Variants in ZNF202 observed in about 807,000 individuals in gnomAD.
ZNF202 encodes the protein zinc finger protein with KRAB and SCAN domains 10.
In ZNF202, 22 loss-of-function variants were observed where a neutral mutation model predicts 54.5. The observed-to-expected ratio is 0.40, with a 90% CI of 0.29 to 0.58. The LOEUF (loss-of-function observed/expected upper bound fraction) is 0.58. Among genes scored for constraint, ZNF202 ranks in the 20% least tolerant of loss-of-function variants. ZNF202 has a pLI of 0.39. For synonymous variants in ZNF202, 294 were observed against 301.4 expected, an observed-to-expected ratio of 0.98 and a Z score of 0.26; for missense variants, 644 against 805.5, an observed-to-expected ratio of 0.80 and a Z score of 2.43.
Position 123,725,902 on chromosome 11 carries a change from C to A in ZNF202, c.*95G>T. 7.0e-7 allele frequency: 1 copy of A among 1,438,210 alleles called. No homozygotes were observed. Among genetic ancestry groups the A allele is most frequent in the Non-Finnish European group, 9.3e-7 (1 of 1,080,254 alleles). The allele number at this position is 1,438,210 out of a possible 1,614,324, so 89.1% of individuals were successfully genotyped here. On this transcript the variant is annotated 3_prime_UTR_variant, in exon 9 of 9. Transcript: ENST00000530393. Reference sequence around the variant, plus strand: ...TCTGAGCAGGTCAGGGAGACTCCCTCGAAAAGGTCTTCCCAGGCTGACAAG... The same window carrying A: ...TCTGAGCAGGTCAGGGAGACTCCCTAGAAAAGGTCTTCCCAGGCTGACAAG...
chr11:123,737,625 C>A (rs145004361), intron 3 of ZNF202, among the ~76,000 whole-genome samples: 224 of 152,220 alleles, frequency 1.5e-3, no homozygotes, highest in African/African-American at 5.2e-3. Flanking sequence ...ATAAACATGT[C>A]ATTGAGAGTA....
At chr11:123,735,975 G>A (rs1861620745) in intron 3 of ZNF202, among the ~76,000 whole-genome samples, 1 of 152,164 alleles carries the variant, frequency 6.6e-6, no homozygotes, top group Non-Finnish European at 1.5e-5. Context: ...ACCAGGCCAG[G>A]ATTAAGTAAG....
intron 6 of ZNF202, among the ~76,000 whole-genome samples, chr11:123,728,480 C>G (rs1002058197): frequency 2.0e-5 from 3 of 151,842 alleles, no homozygotes; most frequent in Non-Finnish European, 2.9e-5. Context: ...AGCTTATGTT[C>G]TTCTTCTTTA....
chr11:123,737,753 C>T lies in ZNF202; in HGVS notation c.-98+2364G>A, dbSNP rs79768466. Among the ~76,000 whole-genome samples the T allele has an allele frequency of 2.3e-4, 35 of 152,236 alleles. No homozygotes were observed. The East Asian group carries it at 4.2e-3, about 18-fold the overall frequency. ...ATGTTAGACAGTAGATAGTTGCCTT[C>T]GGCGGAGGGTGACCTGTGTTCTGTC... On this transcript the variant is annotated intron_variant, in intron 3 of 8. Transcript: ENST00000530393.
chr11:123,739,039 T>G (rs1159384646), intron 3 of ZNF202: 2 of 152,248 alleles, frequency 1.3e-5, no homozygotes, highest in African/African-American at 4.8e-5. Context: ...ATATTCCCAG[T>G]GCCTACCACT....
In ZNF202 at chr11:123,726,176, C is replaced by A. The variant is rs549310174; in HGVS notation, c.1768G>T (p.Val590Leu). Residue 590 changes from valine (V) to leucine (L), a missense_variant, in exon 9 of 9, where the codon GTG becomes TTG. Coordinates refer to ENST00000530393, the MANE Select transcript of ZNF202 (RefSeq NM_003455.4). The surrounding 1 kb of genome is among the most constrained non-coding windows in gnomAD (Gnocchi z 6.0). ...FAKHLRGHAS[V>L]RPCRCNECGK... ...CATTCGTTGCATCGGCAGGGCCTCA[C>A]TGAGGCGTGTCCTCTCAAGTGCTTG... 1.1e-5 allele frequency: 17 copies of A among 1,614,234 alleles called. No individual in the cohort carries two copies. In the South Asian group the frequency reaches 1.8e-4, roughly 17 times the overall value.
rs192900766 is a variant in ZNF202 at position 123,727,982 on chromosome 11, C to T, written c.832+151G>A. The T allele has an allele frequency of 8.1e-4, 684 of 842,908 alleles. 2 individuals carry two copies. The highest frequency in any genetic ancestry group is 1.2e-3 in the South Asian group (68 of 57,286). 52.2% of individuals were successfully genotyped at this position (842,908 alleles called of 1,614,324 possible). Reference sequence around the variant, plus strand: ...ATTTATCTTTTACTTGAAAGGACACCATATTTTTCACCTAATCCCTCAATT... The same window carrying T: ...ATTTATCTTTTACTTGAAAGGACACTATATTTTTCACCTAATCCCTCAATT... On this transcript the variant is annotated intron_variant, in intron 7 of 8. Transcript: ENST00000530393.
chr11:123,737,533 T>C (rs1207432607), intron 3 of ZNF202, among the ~76,000 whole-genome samples: 3 of 152,132 alleles, frequency 2.0e-5, no homozygotes, highest in African/African-American at 2.4e-5. Flanking sequence ...AAGTATGTAG[T>C]GGATAGTACA....
At chr11:123,727,082 T>C (rs2137315184) in intron 8 of ZNF202, 91 bp from the exon 9 acceptor site, 4 of 1,481,738 alleles carry the variant, frequency 2.7e-6, no homozygotes, top group Non-Finnish European at 3.6e-6. Flanking sequence ...GGTTTTGAGA[T>C]GGCAAGACTA....
chr11:123,725,290 G>A lies in ZNF202; in HGVS notation c.*707C>T, dbSNP rs557251277. On this transcript the variant is annotated 3_prime_UTR_variant, in exon 9 of 9. Coordinates refer to ENST00000530393, the MANE Select transcript of ZNF202 (RefSeq NM_003455.4). ...AACAAAACCAAAACTCGTATGGAAA[G>A]AGGCTTCTGACTAGGCCCTCCTTTC... The A allele has an allele frequency of 5.3e-5, 8 of 152,308 alleles. No homozygotes were observed. In the East Asian group the frequency reaches 1.5e-3, roughly 29 times the overall value. 9.4% of individuals were successfully genotyped at this position (152,308 alleles called of 1,614,324 possible).
intron 1 of ZNF202, 119 bp downstream of exon 1, chr11:123,741,430 G>A (rs1293400634): frequency 6.6e-6 from 1 of 152,330 alleles, no homozygotes; most frequent in African/African-American, 2.4e-5. Flanking sequence ...GATTTCCCCA[G>A]ACTCTGGGGG....
rs1861311958 is a variant in ZNF202, at chr11:123,729,585, C to T, written c.613+30G>A. 4.6e-6 allele frequency: 7 copies of T among 1,508,460 alleles called. No individual in the cohort carries two copies. In the African/African-American group the frequency reaches 6.9e-5, roughly 15 times the overall value. 93.4% of individuals were successfully genotyped at this position (1,508,460 alleles called of 1,614,324 possible). ...CCCCCTCCTTGCCTGCCTTCTGCCA[C>T]AATCCCCCCTTTCTGCTGATGCTTC... On this transcript the variant is annotated intron_variant, in intron 5 of 8. Coordinates refer to ENST00000530393, the MANE Select transcript of ZNF202 (RefSeq NM_003455.4).
At chr11:123,739,759 T>C (rs990177386) in intron 3 of ZNF202, among the ~76,000 whole-genome samples, 1 of 152,172 alleles carries the variant, frequency 6.6e-6, no homozygotes, top group African/African-American at 2.4e-5. Context: ...GCAATACATA[T>C]ATCACATTTG....
chr11:123,730,188 G>A lies in ZNF202; in HGVS notation c.402+299C>T, dbSNP rs879496657. The stretch of plus-strand genomic sequence containing the variant: ...GGGATCTATGAGAACCTTCGAGGAA[G>A]TCACAAAATTCTCCTCTCCAGGAAC... On this transcript the variant is annotated intron_variant, in intron 4 of 8. Coordinates refer to ENST00000530393, the MANE Select transcript of ZNF202 (RefSeq NM_003455.4). This position sits in a 1 kb window ranked among gnomAD's most constrained non-coding sequence, Gnocchi z 6.0. Among the ~76,000 whole-genome samples the A allele has an allele frequency of 3.3e-5, 5 of 152,136 alleles. No individual in the cohort carries two copies. The highest frequency in any genetic ancestry group is 3.3e-4 in the Admixed American group (5 of 15,272).
At chr11:123,729,464 G>A in intron 5 of ZNF202, 151 bp downstream of exon 5, 1 of 1,034,486 alleles carries the variant, frequency 9.7e-7, no homozygotes, top group Non-Finnish European at 1.4e-6. Flanking sequence ...CTAGCTGGCG[G>A]TACTGTCTCC....
intron 1 of ZNF202, among the ~76,000 whole-genome samples, chr11:123,741,087 G>T (rs955903918): frequency 6.6e-6 from 1 of 152,088 alleles, no homozygotes; most frequent in African/African-American, 2.4e-5. Context: ...GTAAGGAGAT[G>T]GGGCTAGCCG....
chr11:123,734,998 CACA>C (rs952221977), intron 3 of ZNF202, among the ~76,000 whole-genome samples: 19 of 145,518 alleles, frequency 1.3e-4, no homozygotes, highest in African/African-American at 4.7e-4. Flanking sequence ...ATGCAAGTCA[CACA>C]ACACTTGGCA....
At chr11:123,728,938 G>A (rs1861278052) in intron 6 of ZNF202, among the ~76,000 whole-genome samples, 188 bp downstream of exon 6, 1 of 152,096 alleles carries the variant, frequency 6.6e-6, no homozygotes, top group Non-Finnish European at 1.5e-5. Flanking sequence ...TGGTGTTGGT[G>A]CCTGTGGATC....
intron 7 of ZNF202, 89 bp from the exon 8 acceptor site, chr11:123,727,684 G>C (rs1861216146): frequency 6.6e-7 from 1 of 1,523,538 alleles, no homozygotes; most frequent in East Asian, 2.3e-5. Context: ...TAGGTTGTGG[G>C]GCAAATACAT....
Sources: gnomAD v4.1 joint callset for allele counts (sites outside exome capture counted in the v4.1 genomes callset) on GRCh38, gnomAD v4.1.1 for gene constraint, Gnocchi (gnomAD v3.1) non-coding constraint, MANE v1.5 for transcripts, NCBI Gene and HGNC (gene_info 2026-07-23, HGNC 2026-07-21) for gene names.